The following USP36 variants were observed in gnomAD, a reference collection of about 807,000 sequenced individuals.
USP36 encodes ubiquitin specific peptidase 36.
Under a neutral mutation model 111.5 loss-of-function variants are expected in USP36, and 59 were observed. That is an observed-to-expected ratio of 0.53 (90% CI 0.43 to 0.66). The LOEUF is 0.66. USP36 is among the 30% of genes least tolerant of loss of function. The probability of loss-of-function intolerance (pLI) is 0.00; values close to 1 mark genes in which losing one functional copy is unlikely to be tolerated. For synonymous variants in USP36, 628 were observed against 581.0 expected, an observed-to-expected ratio of 1.08 and a Z score of -1.16; for missense variants, 1,488 against 1,468.0, an observed-to-expected ratio of 1.01 and a Z score of -0.22.
chr17:78,804,495 C>A (rs1190341552), intron 15 of USP36, among the ~76,000 whole-genome samples: 6 of 136,294 alleles, frequency 4.4e-5, no homozygotes, highest in African/African-American at 5.5e-5. Flanking sequence ...AAAACAAAAA[C>A]AAAAAAAAAA....
chr17:78,799,524 T>A, intron 18 of USP36, 143 bp downstream of exon 18: 1 of 730,622 alleles, frequency 1.4e-6, no homozygotes, highest in South Asian at 1.7e-5. Context: ...CTCCAGCCAG[T>A]GTTGAGATTC....
Position 78,803,712 on chromosome 17 carries a change from C to T in USP36, c.2483G>A (p.Arg828His), listed in dbSNP as rs763715224. The change falls in exon 16 of 21, where the codon CGC (arginine) becomes CAC (histidine). Residue 828 changes from arginine to histidine, a missense_variant. Around this residue, in one of 3 missense-constraint regions of USP36, gnomAD observed 1,073 missense variants for 994.1 expected, o/e 1.08. Transcript: ENST00000449938. This position sits in a 1 kb window ranked among gnomAD's most constrained non-coding sequence, Gnocchi z 4.6. ...GEPQRLGSET[R>H]LPQHIREATA... ...GGCCTCCCTGATGTGCTGTGGGAGG[C>T]GCGTCTCTGAGCCCAGCCTCTGCGG... 2.4e-5 allele frequency: 38 copies of T among 1,611,834 alleles called. No individual in the cohort carries two copies. Among genetic ancestry groups the T allele is most frequent in the Middle Eastern group, 1.8e-4 (1 of 5,444 alleles).
At chr17:78,812,751 T>G (rs1255439532) in intron 13 of USP36, 109 bp downstream of exon 13, 4 of 1,185,864 alleles carry the variant, frequency 3.4e-6, no homozygotes, top group Non-Finnish European at 4.8e-6. Context: ...ACTAGAATAG[T>G]GCAAACTGCC....
In USP36 at chr17:78,829,018, G is replaced by A. The variant is rs774989118; in HGVS notation, c.476-11C>T. 9.9e-6 allele frequency: 16 copies of A among 1,610,178 alleles called. No homozygotes were observed. Among genetic ancestry groups the A allele is most frequent in the Non-Finnish European group, 1.3e-5 (15 of 1,178,178 alleles). On this transcript the variant is annotated splice_polypyrimidine_tract_variant and intron_variant, in intron 4 of 20. Coordinates refer to ENST00000449938, the MANE Select transcript of USP36 (RefSeq NM_001385174.1). The stretch of plus-strand genomic sequence containing the variant: ...AGCTTCCCTGGTGGCCTGCCGGCGT[G>A]GAAGGAGGAGCAATTTTAAGACAAG...
At chr17:78,813,652 T>C (rs972898182) in intron 12 of USP36, 121 bp downstream of exon 12, 20 of 857,572 alleles carry the variant, frequency 2.3e-5, no homozygotes, top group East Asian at 2.3e-4. Flanking sequence ...CTATGACACA[T>C]GACAAATCCC....
Position 78,801,704 on chromosome 17 carries a change from AGAG to A in USP36, c.3022+617_3022+619del, listed in dbSNP as rs147436899. Among the ~76,000 whole-genome samples, 1,123 of 152,350 alleles carry A rather than the reference AGAG, an allele frequency of 7.4e-3. 10 individuals are homozygous for A. The highest frequency in any genetic ancestry group is 0.026 in the African/African-American group (1,087 of 41,574). The stretch of plus-strand genomic sequence containing the variant: ...CTGAATGGCCCAGCTACATAGAGGG[AGAG>A]GAGGATTCACTTTTGAACCCAACTC... On this transcript the variant is annotated intron_variant, in intron 17 of 20. Coordinates refer to ENST00000449938, the MANE Select transcript of USP36 (RefSeq NM_001385174.1).
Position 78,807,438 on chromosome 17 carries a change from C to T in USP36, c.1606G>A (p.Val536Met). 1 of 1,614,112 alleles carries T rather than the reference C, an allele frequency of 6.2e-7. No individual in the cohort carries two copies. Among genetic ancestry groups the T allele is most frequent in the South Asian group, 1.1e-5 (1 of 91,068 alleles). The change falls in exon 14 of 21, where the codon GTG becomes ATG. Residue 536 changes from valine (V) to methionine (M), a missense_variant. Transcript: ENST00000449938. ...TGCTGTGGAGGAGCTGGCTTCTTCA[C>T]CTTCTTTCCAGGGTCGTCTAGGATG... Reference protein sequence around the residue: ...PTILDDPGKKVKKPAPPQHFS... With the variant: ...PTILDDPGKKMKKPAPPQHFS...
intron 9 of USP36, chr17:78,819,139 A>G (rs897510379): frequency 1.0e-5 from 2 of 197,406 alleles, no homozygotes; most frequent in African/African-American, 4.7e-5. Flanking sequence ...AGTCAACGTA[A>G]GCAAAGCTAG....
intron 16 of USP36, among the ~76,000 whole-genome samples, 176 bp from the exon 17 acceptor site, chr17:78,802,711 C>A (rs886296679): frequency 1.3e-5 from 2 of 152,204 alleles, no homozygotes; most frequent in African/African-American, 4.8e-5. Context: ...CACGCAGCCA[C>A]GGAGACAGTA....
At chr17:78,790,092 C>G (rs2093570074) in intron 3 of USP36, among the ~76,000 whole-genome samples, 1 of 145,742 alleles carries the variant, frequency 6.9e-6, no homozygotes, top group Non-Finnish European at 1.5e-5. Flanking sequence ...AGAATAATAC[C>G]TTTTTTTTTT....
chr17:78,807,745 G>A (rs2093947237), intron 13 of USP36, 109 bp from the exon 14 acceptor site: 2 of 1,077,290 alleles, frequency 1.9e-6, no homozygotes, highest in Non-Finnish European at 2.6e-6. Context: ...CCTCTGATTA[G>A]CATGCTCAAG....
intron 17 of USP36, among the ~76,000 whole-genome samples, chr17:78,801,705 G>C (rs2093747747): frequency 6.7e-6 from 1 of 150,002 alleles, no homozygotes; most frequent in Admixed American, 6.6e-5. Context: ...CATAGAGGGA[G>C]AGGAGGATTC....
chr17:78,807,370 G>A lies in USP36; in HGVS notation c.1674C>T (p.Asn558=), dbSNP rs2093934877. 1 of 1,614,248 alleles carries A rather than the reference G, an allele frequency of 6.2e-7. No homozygotes were observed. Among genetic ancestry groups the A allele is most frequent in the East Asian group, 2.2e-5 (1 of 44,888 alleles). ...GGCTCCCAGATCTGCTGCTATTCGAGTTGCTGGTCCCAGGCAGCCCCTGAG... is the reference window on the plus strand; with the variant it reads ...GGCTCCCAGATCTGCTGCTATTCGAATTGCTGGTCCCAGGCAGCCCCTGAG... ...RTAQGLPGTS[N]SNSSRSGSQR... is the part of the protein sequence containing the mutation. The change falls in exon 14 of 21, where the codon AAC becomes AAT. Residue 558 remains asparagine, a synonymous_variant. Transcript: ENST00000449938.
chr17:78,816,302 G>C (rs536461171), intron 10 of USP36, among the ~76,000 whole-genome samples: 1 of 152,022 alleles, frequency 6.6e-6, no homozygotes, highest in African/African-American at 2.4e-5. Flanking sequence ...TGGGACTATA[G>C]GCACGCGCCA....
rs776914038 is a variant in USP36, at chr17:78,806,253, G to A, written c.2119C>T (p.Leu707Phe). 5.6e-5 allele frequency: 91 copies of A among 1,613,756 alleles called. No homozygotes were observed. The highest frequency in any genetic ancestry group is 1.7e-4 in the Middle Eastern group (1 of 5,940). The change falls in exon 15 of 21, where the codon CTC becomes TTC. Residue 707 changes from leucine to phenylalanine, a missense_variant. Physicochemically the swap from Leu to Phe is conservative, Grantham distance 22. Coordinates refer to ENST00000449938, the MANE Select transcript of USP36 (RefSeq NM_001385174.1). ...GATGGTGAGGGGGGAGGTGGACGGAGGTCATTGCCGGTCGCCCTCCACAGG... is the reference window on the plus strand; with the variant it reads ...GATGGTGAGGGGGGAGGTGGACGGAAGTCATTGCCGGTCGCCCTCCACAGG... ...STLWRATGND[L>F]RPPPPSPSSD...
At chr17:78,822,175 G>C (rs2094345983) in intron 6 of USP36, among the ~76,000 whole-genome samples, 171 bp from the exon 7 acceptor site, 1 of 152,068 alleles carries the variant, frequency 6.6e-6, no homozygotes, top group South Asian at 2.1e-4. Context: ...AGCCCACGCT[G>C]CCTGGCAGTC....
chr17:78,827,486 A>G, intron 5 of USP36, 139 bp from the exon 6 acceptor site: 1 of 743,618 alleles, frequency 1.3e-6, no homozygotes, highest in Non-Finnish European at 2.1e-6. Context: ...GAGGAAAACA[A>G]GAGCTCTACA....
Position 78,796,890 on chromosome 17 carries a change from A to C in USP36, c.*1010T>G, listed in dbSNP as rs2093637616. 6.6e-6 allele frequency: 1 copy of C among 152,234 alleles called. No homozygotes were observed. The highest frequency in any genetic ancestry group is 2.1e-4 in the South Asian group (1 of 4,834). 9.4% of individuals were successfully genotyped at this position (152,234 alleles called of 1,614,324 possible). On this transcript the variant is annotated 3_prime_UTR_variant, in exon 21 of 21. Coordinates refer to ENST00000449938, the MANE Select transcript of USP36 (RefSeq NM_001385174.1). The stretch of plus-strand genomic sequence containing the variant: ...TTTCCTGAAAATATCACCTTCTCTG[A>C]GGATTTCCTGTATTTATTAAGTTAC...
intron 17 of USP36, among the ~76,000 whole-genome samples, chr17:78,800,867 C>T (rs1361130077): frequency 3.9e-5 from 6 of 152,162 alleles, no homozygotes; most frequent in African/African-American, 9.7e-5. Flanking sequence ...TGGACCCTGG[C>T]GCACCGCAAG....
Sources: allele counts gnomAD v4.1 joint callset (sites outside exome capture counted in the v4.1 genomes callset), GRCh38; gene constraint gnomAD v4.1.1; regional missense constraint gnomAD v4.1.1; non-coding constraint Gnocchi (gnomAD v3.1); transcripts MANE v1.5; gene names NCBI Gene and HGNC (gene_info 2026-07-23, HGNC 2026-07-21).